Variants in NR1I3 observed in about 807,000 individuals in gnomAD.
The protein encoded by NR1I3 is constitutive activator of retinoid response.
In NR1I3, 30 loss-of-function variants were observed where a neutral mutation model predicts 38.4. The observed-to-expected ratio is 0.78, with a 90% CI of 0.58 to 1.06. NR1I3 has a LOEUF of 1.06. Among genes scored for constraint, NR1I3 ranks in the 50% least tolerant of loss-of-function variants. The probability of loss-of-function intolerance (pLI) is 0.00; values close to 1 mark genes in which losing one functional copy is unlikely to be tolerated. For missense variants in NR1I3, 388 were observed against 435.7 expected (o/e 0.89, Z 0.97); for synonymous variants, 143 against 165.1 (o/e 0.87, Z 1.03).
chr1:161,235,428 C>A (rs1668421859), intron 3 of NR1I3: 1 of 157,016 alleles, frequency 6.4e-6, no homozygotes, highest in South Asian at 1.8e-4. Context: ...CTACGGCCGG[C>A]TAATTTTTTT....
rs145025028 is a variant in NR1I3, at chr1:161,231,331, C to T, written c.692G>A (p.Arg231His). 76 of 1,581,572 alleles carry T rather than the reference C, an allele frequency of 4.8e-5. No individual in the cohort carries two copies. The highest frequency in any genetic ancestry group is 2.0e-4 in the East Asian group (9 of 44,558). Residue 231 changes from arginine to histidine, a missense_variant and splice_region_variant, in exon 6 of 9, where the codon CGT becomes CAT. Coordinates refer to ENST00000367983, the MANE Select transcript of NR1I3 (RefSeq NM_005122.5). Reference sequence around the variant, plus strand: ...CTATTGCTCTAGCACCATCTCACCACGGGCTCCATCTTCAATTGTGTAGCG... The same window carrying T: ...CTATTGCTCTAGCACCATCTCACCATGGGCTCCATCTTCAATTGTGTAGCG... ...PLRYTIEDGA[R>H]VGFQVEFLEL... is the part of the protein sequence containing the mutation.
Position 161,235,830 on chromosome 1 carries a change from G to A in NR1I3, c.238+17C>T. ...GACGCAGTCAATGGATTCTTGAGAT[G>A]TAGGGGGCCAACTCACTGTCTTTCC... On this transcript the variant is annotated intron_variant, in intron 3 of 8. Coordinates refer to ENST00000367983, the MANE Select transcript of NR1I3 (RefSeq NM_005122.5). The A allele has an allele frequency of 1.9e-6, 3 of 1,613,926 alleles. No individual in the cohort carries two copies. Among genetic ancestry groups the A allele is most frequent in the Non-Finnish European group, 2.5e-6 (3 of 1,179,928 alleles).
chr1:161,230,979 C>T, intron 7 of NR1I3, 61 bp from the exon 8 acceptor site: 1 of 1,612,700 alleles, frequency 6.2e-7, no homozygotes, highest in Non-Finnish European at 8.5e-7. Flanking sequence ...GCGTGGTGCC[C>T]CGGGGACTGA....
intron 7 of NR1I3, 84 bp from the exon 8 acceptor site, chr1:161,231,002 C>G: frequency 6.2e-7 from 1 of 1,612,892 alleles, no homozygotes; most frequent in Non-Finnish European, 8.5e-7. Flanking sequence ...CTGGGATAGA[C>G]CTAGTCTGCA....
intron 8 of NR1I3, chr1:161,230,481 TC>T: frequency 2.0e-6 from 1 of 496,412 alleles, no homozygotes; most frequent in Middle Eastern, 5.1e-4. Context: ...AAGAGAAAAG[TC>T]TGCGTTAGTC....
At chr1:161,236,206 A>T in intron 2 of NR1I3, 1 of 640,772 alleles carries the variant, frequency 1.6e-6, no homozygotes, top group Non-Finnish European at 2.7e-6. Context: ...CTTCACAGGC[A>T]GTGGGTACAT....
At chr1:161,235,038 G>C (rs559685447) in intron 3 of NR1I3, among the ~76,000 whole-genome samples, 1 of 152,064 alleles carries the variant, frequency 6.6e-6, no homozygotes, top group East Asian at 2.0e-4. Context: ...CTATGCAGGA[G>C]GCTGAGGCAG....
At chr1:161,233,470 C>T (rs1025398516) in intron 3 of NR1I3, 132 bp from the exon 4 acceptor site, 1 of 935,302 alleles carries the variant, frequency 1.1e-6, no homozygotes, top group Non-Finnish European at 1.6e-6. Context: ...ATTCCTGAGA[C>T]TTTCTTGGGC....
At chr1:161,232,668 TAA>T in intron 5 of NR1I3, 137 bp downstream of exon 5, 1 of 863,232 alleles carries the variant, frequency 1.2e-6, no homozygotes, top group Non-Finnish European at 1.8e-6. Context: ...TTGGCACATT[TAA>T]AACCAAAGCT....
chr1:161,234,005 T>C lies in NR1I3; in HGVS notation c.239-667A>G, dbSNP rs533411549. Among the ~76,000 whole-genome samples the C allele has an allele frequency of 2.0e-5, 3 of 151,842 alleles. No homozygotes were observed. In the South Asian group the frequency reaches 6.2e-4, roughly 32 times the overall value. On this transcript the variant is annotated intron_variant, in intron 3 of 8. Coordinates refer to ENST00000367983, the MANE Select transcript of NR1I3 (RefSeq NM_005122.5). ...TATTTTTTTGTTTGTTTTGTTTTGTTTTGAGATGGAGTCTGTCACTCTGTC... is the reference window on the plus strand; with the variant it reads ...TATTTTTTTGTTTGTTTTGTTTTGTCTTGAGATGGAGTCTGTCACTCTGTC...
intron 1 of NR1I3, among the ~76,000 whole-genome samples, chr1:161,237,050 C>T (rs1018858233): frequency 2.6e-5 from 4 of 151,116 alleles, no homozygotes; most frequent in African/African-American, 9.7e-5. Flanking sequence ...GGCTGGAGTG[C>T]ATCATAGTTC....
At position 161,236,545 on chromosome 1, in the gene NR1I3, C is replaced by G; in HGVS notation, c.21G>C (p.Glu7Asp). The stretch of plus-strand genomic sequence containing the variant: ...CCCCACATACCACACAGTTCCTCAG[C>G]TCATCTTCCCTACTGGCCATGACGT... MASREDELRNCVVCGDQ... is the reference protein window; with the variant it reads MASREDDLRNCVVCGDQ... Residue 7 changes from glutamate (E) to aspartate (D), a missense_variant, in exon 2 of 9, where the codon GAG becomes GAC. Physicochemically the swap from Glu to Asp is conservative, Grantham distance 45. Coordinates refer to ENST00000367983, the MANE Select transcript of NR1I3 (RefSeq NM_005122.5). 6.2e-7 allele frequency: 1 copy of G among 1,614,146 alleles called. No individual in the cohort carries two copies. Among genetic ancestry groups the G allele is most frequent in the Non-Finnish European group, 8.5e-7 (1 of 1,180,028 alleles).
At position 161,231,366 on chromosome 1, in the gene NR1I3, G is replaced by A. The variant is rs544805520; in HGVS notation, c.657C>T (p.Cys219=). The stretch of plus-strand genomic sequence containing the variant: ...CTTCAATTGTGTAGCGAAGAGGCCC[G>A]CAGAGGAAGTTTTGTGTTTGGAGAC... ...TFCLQTQNFL[C]GPLRYTIEDG... The change falls in exon 6 of 9, where the codon TGC becomes TGT. Residue 219 remains cysteine, a synonymous_variant. Transcript: ENST00000367983. The A allele has an allele frequency of 6.9e-5, 108 of 1,563,456 alleles. 2 individuals are homozygous for A. The South Asian group carries it at 8.0e-4, about 12-fold the overall frequency.
At chr1:161,235,414 G>C (rs1668416415) in intron 3 of NR1I3, 1 of 156,372 alleles carries the variant, frequency 6.4e-6, no homozygotes, top group African/African-American at 2.4e-5. Flanking sequence ...ACAGGCGCCC[G>C]CCACTACGGC....
At chr1:161,232,086 A>T (rs565020664) in intron 5 of NR1I3, among the ~76,000 whole-genome samples, 9 of 151,540 alleles carry the variant, frequency 5.9e-5, no homozygotes, top group African/African-American at 2.2e-4. Context: ...TCCTGGGTTC[A>T]AGTGATTCTT....
intron 5 of NR1I3, among the ~76,000 whole-genome samples, chr1:161,232,043 G>A (rs1667449924): frequency 6.6e-6 from 1 of 150,984 alleles, no homozygotes; most frequent in South Asian, 2.1e-4. Flanking sequence ...GCTGGATGTA[G>A]TGGCCTGATC....
At position 161,235,873 on chromosome 1, in the gene NR1I3, C is replaced by A. The variant is rs902713268; in HGVS notation, c.212G>T (p.Cys71Phe). ...RHCPACRLQK[C>F]LDAGMRKDMI... Reference sequence around the variant, plus strand: ...GTCTTTCCTCATGCCAGCATCTAAGCACTTCTGCAACCTGCAGGCTGGGCA... The same window carrying A: ...GTCTTTCCTCATGCCAGCATCTAAGAACTTCTGCAACCTGCAGGCTGGGCA... Residue 71 changes from cysteine (C) to phenylalanine (F), a missense_variant, in exon 3 of 9, where the codon TGC (cysteine) becomes TTC (phenylalanine). Physicochemically the swap from Cys to Phe is radical, Grantham distance 205. Transcript: ENST00000367983. The A allele has an allele frequency of 1.2e-6, 2 of 1,614,000 alleles. No homozygotes were observed. Among genetic ancestry groups the A allele is most frequent in the African/African-American group, 2.7e-5 (2 of 74,924 alleles).
intron 5 of NR1I3, 52 bp downstream of exon 5, chr1:161,232,755 A>C (rs551971741): frequency 6.3e-7 from 1 of 1,583,992 alleles, no homozygotes; most frequent in Non-Finnish European, 8.7e-7. Context: ...CGGGGTGGAT[A>C]TACAATTTAC....
chr1:161,233,779 A>C (rs1571721188), intron 3 of NR1I3, among the ~76,000 whole-genome samples: 1 of 151,320 alleles, frequency 6.6e-6, no homozygotes, highest in Non-Finnish European at 1.5e-5. Context: ...TTCTGAGGTT[A>C]AATCCCACTG....
Sources: gnomAD v4.1 joint callset for allele counts (sites outside exome capture counted in the v4.1 genomes callset) on GRCh38, gnomAD v4.1.1 for gene constraint, MANE v1.5 for transcripts, NCBI Gene and HGNC (gene_info 2026-07-23, HGNC 2026-07-21) for gene names.